The following NME7 variants were observed in gnomAD, a reference collection of about 807,000 sequenced individuals.
The protein encoded by NME7 is NME/NM23 family member 7.
In NME7, 41 loss-of-function variants were observed where a neutral mutation model predicts 49.1. The ratio of observed to expected loss-of-function variants is 0.83; its 90% CI spans 0.65 to 1.08. The LOEUF (loss-of-function observed/expected upper bound fraction) is 1.08, where lower values mean the gene tolerates loss of function less well. NME7 is among the 50% of genes least tolerant of loss of function. The pLI is 0.00. For synonymous variants in NME7, 139 were observed against 150.6 expected, an observed-to-expected ratio of 0.92 and a Z score of 0.56; for missense variants, 423 against 463.4, an observed-to-expected ratio of 0.91 and a Z score of 0.80.
intron 11 of NME7, among the ~76,000 whole-genome samples, chr1:169,139,267 C>T (rs186501300): frequency 6.5e-4 from 99 of 152,180 alleles, no homozygotes; most frequent in African/African-American, 2.3e-3. Context: ...TGCTACATAC[C>T]AAATGCTTTA....
intron 1 of NME7, among the ~76,000 whole-genome samples, chr1:169,346,967 G>A (rs1322317407): frequency 6.6e-6 from 1 of 152,156 alleles, no homozygotes; most frequent in East Asian, 1.9e-4. Context: ...GACAGACAAG[G>A]CCCTGTTGAC....
chr1:169,250,550 T>C (rs1648519897), intron 7 of NME7, among the ~76,000 whole-genome samples: 1 of 152,080 alleles, frequency 6.6e-6, no homozygotes, highest in African/African-American at 2.4e-5. Flanking sequence ...TCTAGCTCCT[T>C]GAGGTATGAT....
intron 4 of NME7, among the ~76,000 whole-genome samples, chr1:169,303,821 T>C (rs1159385154): frequency 2.6e-5 from 4 of 152,208 alleles, no homozygotes; most frequent in Non-Finnish European, 5.9e-5. Context: ...AGTGAGAATA[T>C]TTGTTCTTTA....
At chr1:169,178,917 T>C (rs1659847414) in intron 10 of NME7, among the ~76,000 whole-genome samples, 1 of 151,008 alleles carries the variant, frequency 6.6e-6, no homozygotes, top group African/African-American at 2.4e-5. Flanking sequence ...ACCTCGTGGG[T>C]TGAAACAATT....
At chr1:169,346,115 T>G (rs1258191724) in intron 1 of NME7, among the ~76,000 whole-genome samples, 1 of 152,124 alleles carries the variant, frequency 6.6e-6, no homozygotes, top group African/African-American at 2.4e-5. Flanking sequence ...TCACCTAGAT[T>G]ATAGCCTCAT....
At chr1:169,250,753 T>C (rs569033708) in intron 7 of NME7, among the ~76,000 whole-genome samples, 20 of 152,232 alleles carry the variant, frequency 1.3e-4, no homozygotes, top group Non-Finnish European at 1.3e-4. Flanking sequence ...CAGGAGCAGA[T>C]TGTTTAATTT....
chr1:169,243,646 T>C (rs2101835902), intron 7 of NME7, among the ~76,000 whole-genome samples: 1 of 152,344 alleles, frequency 6.6e-6, no homozygotes, highest in East Asian at 1.9e-4. Flanking sequence ...TTTCACCATG[T>C]AAAGGCACAG....
chr1:169,216,935 G>C (rs1053075606), intron 10 of NME7, among the ~76,000 whole-genome samples: 3 of 152,118 alleles, frequency 2.0e-5, no homozygotes, highest in African/African-American at 4.8e-5. Flanking sequence ...TGTTTTTGTA[G>C]AGAGTAGCTC....
chr1:169,262,487 T>A (rs1157015044), intron 7 of NME7, among the ~76,000 whole-genome samples: 1 of 134,168 alleles, frequency 7.5e-6, no homozygotes, highest in Non-Finnish European at 1.8e-5. Context: ...AGACTGGAAG[T>A]AGTTCATGTG....
intron 10 of NME7, 108 bp downstream of exon 10, chr1:169,230,610 T>C (rs889392665): frequency 2.0e-6 from 1 of 500,360 alleles, no homozygotes; most frequent in African/African-American, 2.0e-5. Context: ...TTGTATATTA[T>C]ATTCATTTTT....
At chr1:169,212,283 A>C (rs1351971073) in intron 10 of NME7, among the ~76,000 whole-genome samples, 1 of 152,114 alleles carries the variant, frequency 6.6e-6, no homozygotes, top group Non-Finnish European at 1.5e-5. Flanking sequence ...TTACTTAATA[A>C]ATTATTTAAT....
At chr1:169,218,659 ATTTTTTT>A (rs34342694) in intron 10 of NME7, among the ~76,000 whole-genome samples, 13 of 118,176 alleles carry the variant, frequency 1.1e-4, no homozygotes, top group Non-Finnish European at 1.5e-4. Flanking sequence ...CCAATTTTGA[ATTTTTTT>A]TTTTTTTTTT....
intron 2 of NME7, 47 bp downstream of exon 2, chr1:169,324,346 A>T (rs369313331): frequency 2.5e-6 from 3 of 1,216,280 alleles, no homozygotes. Context: ...AATGGTTCCC[A>T]TGTTCACCCC....
In NME7 at chr1:169,298,772, C is replaced by G; in HGVS notation, c.441-9G>C. 6.2e-7 allele frequency: 1 copy of G among 1,610,288 alleles called. No individual in the cohort carries two copies. The highest frequency in any genetic ancestry group is 1.1e-5 in the South Asian group (1 of 90,610). ...TAAACTGGATCAGCTCACTACAAAACAGATAGAAGATTAGTTTGCTTCTTT... is the reference window on the plus strand; with the variant it reads ...TAAACTGGATCAGCTCACTACAAAAGAGATAGAAGATTAGTTTGCTTCTTT... On this transcript the variant is annotated splice_polypyrimidine_tract_variant and intron_variant, in intron 5 of 11. Coordinates refer to ENST00000367811, the MANE Select transcript of NME7 (RefSeq NM_013330.5).
At chr1:169,244,514 T>A (rs1648228372) in intron 7 of NME7, among the ~76,000 whole-genome samples, 1 of 151,174 alleles carries the variant, frequency 6.6e-6, no homozygotes, top group Non-Finnish European at 1.5e-5. Flanking sequence ...TGGGTGCCAG[T>A]AGTCCCAGCT....
In NME7 at chr1:169,257,664, A is replaced by G. The variant is rs34735555; in HGVS notation, c.755-19977T>C. 0.067 allele frequency among the ~76,000 whole-genome samples: 9,030 copies of G among 134,054 alleles called. 2,799 individuals are homozygous for G. The East Asian group carries it at 0.75, about 11-fold the overall frequency. 87.9% of individuals were successfully genotyped at this position (134,054 alleles called of 152,430 possible). On this transcript the variant is annotated intron_variant, in intron 7 of 11. Transcript: ENST00000367811. ...CTTTCAAGAGGTTCTATTCTGGTTC[A>G]TAATTGCCTTTTTCTTTTAAAGTTT...
intron 11 of NME7, among the ~76,000 whole-genome samples, chr1:169,150,745 G>A (rs1401059383): frequency 4.3e-5 from 6 of 139,986 alleles, no homozygotes; most frequent in Non-Finnish European, 6.0e-5. Context: ...TATATGATGA[G>A]AAGAGAGGCT....
At position 169,178,245 on chromosome 1, in the gene NME7, C is replaced by T. The variant is rs545323198; in HGVS notation, c.991-8691G>A. Among the ~76,000 whole-genome samples, 10 of 152,292 alleles carry T rather than the reference C, an allele frequency of 6.6e-5. No homozygotes were observed. The East Asian group carries it at 1.7e-3, about 26-fold the overall frequency. On this transcript the variant is annotated intron_variant, in intron 10 of 11. Transcript: ENST00000367811. ...TCTCTCAACTCTTTATTCTATCCTC[C>T]TTCTAGATGGAAATTAGAAATCTAA... is the stretch of plus-strand genomic sequence containing the variant.
chr1:169,251,757 G>A (rs537870277), intron 7 of NME7, among the ~76,000 whole-genome samples: 126 of 134,026 alleles, frequency 9.4e-4, no homozygotes, highest in African/African-American at 3.2e-3. Context: ...TCCCCTTCCT[G>A]TGTCCATGTG....
Sources: allele counts gnomAD v4.1 joint callset (sites outside exome capture counted in the v4.1 genomes callset), GRCh38; gene constraint gnomAD v4.1.1; transcripts MANE v1.5; gene names NCBI Gene and HGNC (gene_info 2026-07-23, HGNC 2026-07-21).